ATM: variants seen among roughly 807,000 people sequenced by gnomAD.
ATM encodes serine-protein kinase ATM.
A neutral mutation model predicts 387.0 loss-of-function variants in ATM; 308 were observed. The observed-to-expected ratio is 0.80, with a 90% CI of 0.73 to 0.87. The LOEUF is 0.87. ATM is among the 40% of genes least tolerant of loss of function. The pLI is 0.00. For synonymous variants in ATM, 1,156 were observed against 1,187.3 expected, an observed-to-expected ratio of 0.97 and a Z score of 0.54; for missense variants, 3,312 against 3,560.9, an observed-to-expected ratio of 0.93 and a Z score of 1.78.
At chr11:108,280,968 A>C (rs1453731322) in intron 23 of ATM, 27 bp from the exon 24 acceptor site, 1 of 1,523,866 alleles carries the variant, frequency 6.6e-7, no homozygotes, top group Non-Finnish European at 8.9e-7. Flanking sequence ...ATTTTACATT[A>C]CATTTTTTTT....
intron 3 of ATM, 55 bp from the exon 4 acceptor site, chr11:108,229,123 T>C (rs1453357549): frequency 6.5e-7 from 1 of 1,548,038 alleles, no homozygotes; most frequent in Non-Finnish European, 8.8e-7. Context: ...CTTTTGAAAT[T>C]ATTATAATTT....
At position 108,235,539 on chromosome 11, in the gene ATM, C is replaced by T. The variant is rs2079226337; in HGVS notation, c.332-131C>T. On this transcript the variant is annotated intron_variant, in intron 4 of 62. Coordinates refer to ENST00000675843, the MANE Select transcript of ATM (RefSeq NM_000051.4). ...AATTTTGCTTGGGGCCATAATTTGC[C>T]AATTTCTTCTCTACAAAAGAAGTTT... is the stretch of plus-strand genomic sequence containing the variant. The T allele has an allele frequency of 5.8e-5, 51 of 879,406 alleles. No individual in the cohort carries two copies. The South Asian group carries it at 8.1e-4, about 14-fold the overall frequency. The allele number at this position is 879,406 out of a possible 1,614,324, so 54.5% of individuals were successfully genotyped here.
At chr11:108,327,856 G>C in intron 48 of ATM, 98 bp downstream of exon 48, 3 of 984,668 alleles carry the variant, frequency 3.0e-6, no homozygotes, top group Non-Finnish European at 4.7e-6. Flanking sequence ...ATAAAAGTAT[G>C]GTTTTATTTT....
chr11:108,364,590 A>C (rs2091139958), intron 61 of ATM, among the ~76,000 whole-genome samples: 1 of 152,166 alleles, frequency 6.6e-6, no homozygotes, highest in Non-Finnish European at 1.5e-5. Context: ...GAGCCATAGG[A>C]ATAGGGTGGA....
chr11:108,233,976 G>A (rs987303053), intron 4 of ATM, among the ~76,000 whole-genome samples: 7 of 152,280 alleles, frequency 4.6e-5, no homozygotes, highest in African/African-American at 1.7e-4. Flanking sequence ...ATTAATTTCT[G>A]TAGTTATTCA....
At chr11:108,276,510 G>T (rs377673351) in intron 22 of ATM, among the ~76,000 whole-genome samples, 23 of 152,242 alleles carry the variant, frequency 1.5e-4, no homozygotes, top group African/African-American at 5.5e-4. Flanking sequence ...ATCTACCTTT[G>T]GTCTTTGATG....
chr11:108,316,571 A>G (rs761043192), intron 42 of ATM, among the ~76,000 whole-genome samples: 1 of 151,980 alleles, frequency 6.6e-6, no homozygotes, highest in South Asian at 2.1e-4. Context: ...TTTGAGCTCT[A>G]TTTTTGTGTT....
intron 16 of ATM, among the ~76,000 whole-genome samples, chr11:108,259,661 A>T (rs991857547): frequency 1.3e-5 from 2 of 152,180 alleles, no homozygotes; most frequent in Admixed American, 1.3e-4. Context: ...GCTCACAGCT[A>T]TATCTGCGCA....
rs143902118 is a variant in ATM at position 108,321,776 on chromosome 11, G to T, written c.6572+356G>T. ...GATTCCAGCCTGGGCAACAGAGCGA[G>T]ACTCTGTCTCAAAAAAAAAAAAAAC... On this transcript the variant is annotated intron_variant, in intron 45 of 62. Transcript: ENST00000675843. Among the ~76,000 whole-genome samples, 369 of 150,924 alleles carry T rather than the reference G, an allele frequency of 2.4e-3. 7 individuals are homozygous for T. The East Asian group carries it at 0.069, about 28-fold the overall frequency.
chr11:108,346,319 A>G (rs2088387802), intron 58 of ATM, among the ~76,000 whole-genome samples: 1 of 152,040 alleles, frequency 6.6e-6, no homozygotes, highest in Non-Finnish European at 1.5e-5. Context: ...AGTGATTAAT[A>G]CTTTTTAATA....
intron 29 of ATM, chr11:108,290,279 G>T (rs543436277): frequency 6.6e-6 from 1 of 152,190 alleles, no homozygotes; most frequent in Non-Finnish European, 1.5e-5. Flanking sequence ...TAAAAATTGC[G>T]CTACTTGCCT....
chr11:108,354,756 C>G (rs664982), intron 60 of ATM, 55 bp from the exon 61 acceptor site: 6 of 1,419,984 alleles, frequency 4.2e-6, no homozygotes, highest in Non-Finnish European at 6.0e-6. Context: ...GATAAAGATA[C>G]GTTGACAACA....
At chr11:108,246,092 G>C (rs1365429443) in intron 7 of ATM, among the ~76,000 whole-genome samples, 1 of 152,050 alleles carries the variant, frequency 6.6e-6, no homozygotes, top group Non-Finnish European at 1.5e-5. Context: ...CCAAAGTGCT[G>C]AGATTACAGG....
rs1290222131 is a variant in ATM, at chr11:108,244,920, T to C, written c.795T>C (p.Ile265=). ...AAATTCTTCCCACTTTGCTTTATAT[T>C]TGGACTCAACATAGGCTTAATGATT... ...GDEILPTLLY[I]WTQHRLNDSL... Residue 265 remains isoleucine, a synonymous_variant, in exon 7 of 63, where the codon ATT becomes ATC. Coordinates refer to ENST00000675843, the MANE Select transcript of ATM (RefSeq NM_000051.4). 1 of 1,613,630 alleles carries C rather than the reference T, an allele frequency of 6.2e-7. No homozygotes were observed. Among genetic ancestry groups the C allele is most frequent in the Non-Finnish European group, 8.5e-7 (1 of 1,179,736 alleles).
chr11:108,238,168 C>T (rs1306369609), intron 5 of ATM, among the ~76,000 whole-genome samples: 1 of 152,034 alleles, frequency 6.6e-6, no homozygotes, highest in Non-Finnish European at 1.5e-5. Flanking sequence ...CTCAGGTGAT[C>T]CACCTGCCTC....
chr11:108,356,106 G>C (rs923910954), intron 61 of ATM: 2 of 152,100 alleles, frequency 1.3e-5, no homozygotes, highest in Non-Finnish European at 2.9e-5. Flanking sequence ...GTTTGCCATT[G>C]GTTCTGCAGT....
Position 108,345,841 on chromosome 11 carries a change from C to A in ATM, c.8517C>A (p.Phe2839Leu), listed in dbSNP as rs767845728. 6.2e-7 allele frequency: 1 copy of A among 1,613,840 alleles called. No individual in the cohort carries two copies. Among genetic ancestry groups the A allele is most frequent in the Admixed American group, 1.7e-5 (1 of 59,998 alleles). Residue 2839 changes from phenylalanine to leucine, a missense_variant, in exon 58 of 63, where the codon TTC (phenylalanine) becomes TTA (leucine). Physicochemically the swap from Phe to Leu is conservative, Grantham distance 22. Coordinates refer to ENST00000675843, the MANE Select transcript of ATM (RefSeq NM_000051.4). ...TCCGTTACTTCTGCATGGAAAAATT[C>A]TTGGATCCAGCTATTTGGTTTGAGA... ...PVFRYFCMEK[F>L]LDPAIWFEKR...
At chr11:108,333,352 A>G (rs2086487878) in intron 53 of ATM, among the ~76,000 whole-genome samples, 1 of 152,220 alleles carries the variant, frequency 6.6e-6, no homozygotes, top group Admixed American at 6.5e-5. Context: ...AGTTCAAATA[A>G]TTACAAGCTG....
chr11:108,345,099 T>C (rs907369010), intron 57 of ATM, among the ~76,000 whole-genome samples: 26 of 152,234 alleles, frequency 1.7e-4, no homozygotes, highest in Admixed American at 3.3e-4. Context: ...CTTTACTGCA[T>C]TGAAGAATAG....
Sources: allele counts gnomAD v4.1 joint callset (sites outside exome capture counted in the v4.1 genomes callset), GRCh38; gene constraint gnomAD v4.1.1; transcripts MANE v1.5; gene names NCBI Gene and HGNC (gene_info 2026-07-23, HGNC 2026-07-21).